Variants in PDCD2L observed in about 807,000 individuals in gnomAD.
The protein encoded by PDCD2L is programmed cell death 2 like.
Under a neutral mutation model 40.4 loss-of-function variants are expected in PDCD2L, and 44 were observed. That is an observed-to-expected ratio of 1.09 (90% CI 0.86 to 1.40). PDCD2L has a LOEUF of 1.40. PDCD2L is among the 40% of genes most tolerant of loss of function. The pLI, the probability that PDCD2L is intolerant of heterozygous loss-of-function variation, is 0.00. For synonymous variants in PDCD2L, 194 were observed against 174.6 expected, an observed-to-expected ratio of 1.11 and a Z score of -0.88; for missense variants, 470 against 453.7, an observed-to-expected ratio of 1.04 and a Z score of -0.33.
At chr19:34,414,260 C>T (rs2075117319) in intron 5 of PDCD2L, among the ~76,000 whole-genome samples, 1 of 151,804 alleles carries the variant, frequency 6.6e-6, no homozygotes, top group Non-Finnish European at 1.5e-5. Flanking sequence ...AATGCAACCT[C>T]CACCTCTTGG....
chr19:34,415,603 T>TC (rs776719543), intron 5 of PDCD2L, among the ~76,000 whole-genome samples: 3 of 152,074 alleles, frequency 2.0e-5, no homozygotes, highest in Non-Finnish European at 4.4e-5. Flanking sequence ...ATGGTCTTTT[T>TC]CCCCGATACC....
chr19:34,405,525 A>G (rs903463388), intron 3 of PDCD2L, among the ~76,000 whole-genome samples: 1 of 151,170 alleles, frequency 6.6e-6, no homozygotes, highest in African/African-American at 2.4e-5. Flanking sequence ...TTAAAAGGAG[A>G]TGGAGGCCCA....
At chr19:34,418,078 A>G (rs2075133730) in intron 5 of PDCD2L, among the ~76,000 whole-genome samples, 1 of 152,246 alleles carries the variant, frequency 6.6e-6, no homozygotes, top group South Asian at 2.1e-4. Flanking sequence ...ACATCTGTGT[A>G]TCTTCTGTAG....
rs745612586 is a variant in PDCD2L at position 34,409,526 on chromosome 19, G to A, written c.686+16G>A. 7.5e-6 allele frequency: 12 copies of A among 1,603,710 alleles called. No homozygotes were observed. Among genetic ancestry groups the A allele is most frequent in the Admixed American group, 1.7e-5 (1 of 59,808 alleles). On this transcript the variant is annotated intron_variant, in intron 4 of 6. Coordinates refer to ENST00000246535, the MANE Select transcript of PDCD2L (RefSeq NM_032346.2). ...TTTCCCAAAGGTGAGGATGTGTGCT[G>A]CTGAGGTTGAGAGGTGACTGGATTG...
At position 34,421,518 on chromosome 19, in the gene PDCD2L, G is replaced by A. The variant is rs761518682; in HGVS notation, c.798-1G>A. On this transcript the variant is annotated splice_acceptor_variant, in intron 5 of 6. Coordinates refer to ENST00000246535, the MANE Select transcript of PDCD2L (RefSeq NM_032346.2). LOFTEE classifies it high-confidence loss of function. The stretch of plus-strand genomic sequence containing the variant: ...CGGGGTTCTTTGTTTCCTTGTCCTA[G>A]GTATTCCTGGAGTGGAGAGCCACTC... 5 of 1,613,834 alleles carry A rather than the reference G, an allele frequency of 3.1e-6. No individual in the cohort carries two copies. The highest frequency in any genetic ancestry group is 4.2e-6 in the Non-Finnish European group (5 of 1,179,962).
chr19:34,419,481 T>G (rs1266698941), intron 5 of PDCD2L, among the ~76,000 whole-genome samples: 1 of 139,838 alleles, frequency 7.2e-6, no homozygotes, highest in African/African-American at 2.7e-5. Flanking sequence ...ATTCTGTTAT[T>G]GTTTTTTCCT....
intron 5 of PDCD2L, among the ~76,000 whole-genome samples, chr19:34,415,895 G>T (rs1347028556): frequency 6.6e-6 from 1 of 152,112 alleles, no homozygotes; most frequent in Non-Finnish European, 1.5e-5. Flanking sequence ...TCTCTCACCT[G>T]CCTAAAATAT....
At position 34,426,002 on chromosome 19, in the gene PDCD2L, A is replaced by T. The variant is rs2075175191; in HGVS notation, c.959A>T (p.Glu320Val). 1 of 1,611,366 alleles carries T rather than the reference A, an allele frequency of 6.2e-7. No homozygotes were observed. The change falls in exon 7 of 7, where the codon GAA (glutamate) becomes GTA (valine). Residue 320 changes from glutamate to valine, a missense_variant. Transcript: ENST00000246535. ...TGGTATTTTTCAGGTCTTTCTGTGG[A>T]ATTTGGAACAATTCTAGTTTACACA... ...LKSANLGLSV[E>V]FGTILVYTCE...
chr19:34,411,038 C>T (rs892636441), intron 4 of PDCD2L, among the ~76,000 whole-genome samples: 2 of 151,896 alleles, frequency 1.3e-5, no homozygotes, highest in African/African-American at 4.8e-5. Context: ...CTGCCTTGGC[C>T]TCCCAAAGTG....
chr19:34,411,731 T>C (rs2075104264), intron 4 of PDCD2L, among the ~76,000 whole-genome samples: 1 of 151,992 alleles, frequency 6.6e-6, no homozygotes, highest in African/African-American at 2.4e-5. Context: ...AATGGCTCAC[T>C]GCAACCTCCA....
chr19:34,420,154 C>A (rs2075144034), intron 5 of PDCD2L, among the ~76,000 whole-genome samples: 1 of 151,866 alleles, frequency 6.6e-6, no homozygotes, highest in Non-Finnish European at 1.5e-5. Flanking sequence ...CTACGCCCGG[C>A]TAATTTTTGT....
chr19:34,408,976 T>C (rs1260393966), intron 3 of PDCD2L, 185 bp from the exon 4 acceptor site: 1 of 593,804 alleles, frequency 1.7e-6, no homozygotes, highest in Non-Finnish European at 3.0e-6. Context: ...AGACAAGTAT[T>C]TTAAGTCACC....
intron 6 of PDCD2L, chr19:34,422,042 G>GCA (rs2075153996): frequency 6.7e-6 from 1 of 149,526 alleles, no homozygotes; most frequent in African/African-American, 2.5e-5. Flanking sequence ...AGCCAAGATC[G>GCA]CACCACTCTA....
chr19:34,425,177 C>CT (rs1215436605), intron 6 of PDCD2L, among the ~76,000 whole-genome samples: 2 of 151,350 alleles, frequency 1.3e-5, no homozygotes, highest in East Asian at 1.9e-4. Context: ...TTCTTGGTAT[C>CT]TTTTTTTAAT....
rs894590008 is a variant in PDCD2L at position 34,412,264 on chromosome 19, T to G, written c.687-1473T>G. On this transcript the variant is annotated intron_variant, in intron 4 of 6. Transcript: ENST00000246535. ...CGATCTTTTGACCTCGTGATCCACC[T>G]GCCTCGGCCTTCCAAAGTGTTGAGA... is the stretch of plus-strand genomic sequence containing the variant. 3.9e-5 allele frequency among the ~76,000 whole-genome samples: 6 copies of G among 151,926 alleles called. No homozygotes were observed. The East Asian group carries it at 1.2e-3, about 29-fold the overall frequency.
chr19:34,414,437 A>G (rs1008223400), intron 5 of PDCD2L, among the ~76,000 whole-genome samples: 23 of 143,076 alleles, frequency 1.6e-4, no homozygotes, highest in African/African-American at 4.6e-4. Context: ...TCAGCCTCCC[A>G]AAGTTCTGAG....
chr19:34,421,064 C>T (rs544422531), intron 5 of PDCD2L, among the ~76,000 whole-genome samples: 14 of 152,314 alleles, frequency 9.2e-5, no homozygotes, highest in South Asian at 2.1e-4. Context: ...GCTGATACGA[C>T]GGGAGGTGGA....
At chr19:34,421,346 G>T in intron 5 of PDCD2L, 173 bp from the exon 6 acceptor site, 1 of 729,166 alleles carries the variant, frequency 1.4e-6, no homozygotes, top group Admixed American at 2.4e-5. Context: ...ACTTTGAATC[G>T]AACACTGACA....
chr19:34,421,346 G>A (rs1012519194), intron 5 of PDCD2L, 173 bp from the exon 6 acceptor site: 6 of 729,050 alleles, frequency 8.2e-6, no homozygotes, highest in African/African-American at 5.3e-5. Flanking sequence ...ACTTTGAATC[G>A]AACACTGACA....
Sources: allele counts gnomAD v4.1 joint callset (sites outside exome capture counted in the v4.1 genomes callset), GRCh38; gene constraint gnomAD v4.1.1; transcripts MANE v1.5; gene names NCBI Gene and HGNC (gene_info 2026-07-23, HGNC 2026-07-21).